Variants in PARD6G observed in about 807,000 individuals in gnomAD.
The protein encoded by PARD6G is partitioning defective 6 homolog gamma.
A neutral mutation model predicts 10.7 loss-of-function variants in PARD6G; 7 were observed. The ratio of observed to expected loss-of-function variants is 0.66; its 90% confidence interval spans 0.37 to 1.23. The LOEUF is 1.23. Among genes scored for constraint, PARD6G ranks in the 50% most tolerant of loss-of-function variants. The pLI, the probability that PARD6G is intolerant of heterozygous loss-of-function variation, is 0.02. For missense variants in PARD6G, 548 were observed against 571.8 expected (o/e 0.96, Z 0.42); for synonymous variants, 287 against 269.4 (o/e 1.07, Z -0.64).
At chr18:80,214,412 G>A (rs1026203232) in intron 1 of PARD6G, among the ~76,000 whole-genome samples, 1 of 152,060 alleles carries the variant, frequency 6.6e-6, no homozygotes, top group African/African-American at 2.4e-5. Context: ...CTTGCAGTGA[G>A]CTGAGATCAC....
At chr18:80,196,601 G>A (rs1966958083) in intron 2 of PARD6G, among the ~76,000 whole-genome samples, 1 of 152,122 alleles carries the variant, frequency 6.6e-6, no homozygotes, top group Admixed American at 6.6e-5. Context: ...GAGAATACAA[G>A]TTAGTCATCT....
chr18:80,186,195 C>T (rs2052875968), intron 2 of PARD6G, among the ~76,000 whole-genome samples: 1 of 150,042 alleles, frequency 6.7e-6, no homozygotes, highest in African/African-American at 2.5e-5. Flanking sequence ...TGCACCCTCA[C>T]ACACGCATAT....
intron 1 of PARD6G, among the ~76,000 whole-genome samples, chr18:80,210,987 C>A (rs1265537377): frequency 6.9e-6 from 1 of 145,136 alleles, no homozygotes; most frequent in Non-Finnish European, 1.5e-5. Flanking sequence ...ACAAATGGAA[C>A]TATTCACATT....
chr18:80,218,589 C>T (rs1356916017), intron 1 of PARD6G, among the ~76,000 whole-genome samples: 1 of 152,144 alleles, frequency 6.6e-6, no homozygotes, highest in Non-Finnish European at 1.5e-5. Context: ...GTGTCTGTGG[C>T]TTTTCCAGGC....
chr18:80,214,297 A>G (rs1223213632), intron 1 of PARD6G, among the ~76,000 whole-genome samples: 1 of 152,034 alleles, frequency 6.6e-6, no homozygotes, highest in Non-Finnish European at 1.5e-5. Flanking sequence ...GTCTCTACTA[A>G]AAACATAAAG....
intron 1 of PARD6G, among the ~76,000 whole-genome samples, chr18:80,233,266 G>A (rs1967380020): frequency 6.6e-6 from 1 of 152,220 alleles, no homozygotes; most frequent in African/African-American, 2.4e-5. Flanking sequence ...AGGAGGTACA[G>A]GATTTAACAT....
chr18:80,209,885 ACAT>A (rs1238137987), intron 1 of PARD6G, among the ~76,000 whole-genome samples: 2 of 152,218 alleles, frequency 1.3e-5, no homozygotes, highest in Non-Finnish European at 2.9e-5. Context: ...TTCAATGATA[ACAT>A]CATTATACTA....
intron 2 of PARD6G, among the ~76,000 whole-genome samples, chr18:80,174,388 C>T (rs1432709993): frequency 6.6e-6 from 1 of 152,112 alleles, no homozygotes; most frequent in Non-Finnish European, 1.5e-5. Context: ...GGGTGATCGA[C>T]AACTCCTGGG....
intron 1 of PARD6G, among the ~76,000 whole-genome samples, chr18:80,230,321 T>C (rs1398646069): frequency 6.6e-6 from 1 of 152,180 alleles, no homozygotes; most frequent in African/African-American, 2.4e-5. Flanking sequence ...AAGAACTCCA[T>C]GTAGGAAAAG....
At chr18:80,194,296 A>G (rs932037229) in intron 2 of PARD6G, among the ~76,000 whole-genome samples, 1 of 152,146 alleles carries the variant, frequency 6.6e-6, no homozygotes, top group Non-Finnish European at 1.5e-5. Context: ...GCCTGTCGCT[A>G]CCTCTGCATC....
chr18:80,190,198 G>A (rs1038601226), intron 2 of PARD6G, among the ~76,000 whole-genome samples: 2 of 152,164 alleles, frequency 1.3e-5, no homozygotes, highest in Non-Finnish European at 2.9e-5. Context: ...ATATCGTCAA[G>A]AGCCTGGATT....
intron 1 of PARD6G, among the ~76,000 whole-genome samples, chr18:80,240,089 G>C (rs959372192): frequency 2.6e-5 from 4 of 152,180 alleles, no homozygotes; most frequent in Non-Finnish European, 5.9e-5. Flanking sequence ...ATTACCATGA[G>C]GATGGCACCA....
At chr18:80,177,329 C>T (rs1006998324) in intron 2 of PARD6G, among the ~76,000 whole-genome samples, 3 of 141,630 alleles carry the variant, frequency 2.1e-5, no homozygotes, top group Non-Finnish European at 3.0e-5. Flanking sequence ...AAATGGGAAG[C>T]GCACACACAC....
chr18:80,197,647 C>T (rs1483320928), intron 2 of PARD6G: 1 of 152,212 alleles, frequency 6.6e-6, no homozygotes, highest in African/African-American at 2.4e-5. Flanking sequence ...AGGTGAGTAA[C>T]CACACTGCAG....
At chr18:80,204,314 G>A (rs984309201) in intron 1 of PARD6G, among the ~76,000 whole-genome samples, 1 of 152,150 alleles carries the variant, frequency 6.6e-6, no homozygotes, top group African/African-American at 2.4e-5. Context: ...TTTGTGCCAG[G>A]ATCACCTGGA....
intron 2 of PARD6G, among the ~76,000 whole-genome samples, chr18:80,179,048 C>T (rs116083987): frequency 1.2e-4 from 18 of 151,976 alleles, no homozygotes; most frequent in African/African-American, 2.9e-4. Flanking sequence ...ATATTTTTTC[C>T]GAGGCCACGA....
intron 1 of PARD6G, among the ~76,000 whole-genome samples, chr18:80,229,995 G>A (rs1373049293): frequency 1.3e-5 from 2 of 152,186 alleles, no homozygotes; most frequent in African/African-American, 4.8e-5. Context: ...CACGCATCCA[G>A]GTGGGTCATA....
rs369979229 is a variant in PARD6G at position 80,231,189 on chromosome 18, G to A, written c.72+16088C>T. On this transcript the variant is annotated intron_variant, in intron 1 of 2. Transcript: ENST00000353265. The surrounding 1 kb of genome is among the most constrained non-coding windows in gnomAD (Gnocchi z 4.2). Reference sequence around the variant, plus strand: ...CCAGGGTTACTCCAGAAGCAACTAAGGGCTCAGGAGACTCTAGTGCTGAGA... The same window carrying A: ...CCAGGGTTACTCCAGAAGCAACTAAAGGCTCAGGAGACTCTAGTGCTGAGA... Among the ~76,000 whole-genome samples, 7 of 152,216 alleles carry A rather than the reference G, an allele frequency of 4.6e-5. No individual in the cohort carries two copies. The highest frequency in any genetic ancestry group is 1.7e-4 in the African/African-American group (7 of 41,454).
At chr18:80,219,912 T>C (rs1342482523) in intron 1 of PARD6G, among the ~76,000 whole-genome samples, 3 of 152,126 alleles carry the variant, frequency 2.0e-5, no homozygotes, top group African/African-American at 7.2e-5. Flanking sequence ...TCCAAACTGT[T>C]CCAACCTCTG....
Sources: allele counts gnomAD v4.1 joint callset (sites outside exome capture counted in the v4.1 genomes callset), GRCh38; gene constraint gnomAD v4.1.1; non-coding constraint Gnocchi (gnomAD v3.1); transcripts MANE v1.5; gene names NCBI Gene and HGNC (gene_info 2026-07-23, HGNC 2026-07-21).